Variants in ESR2 observed in about 807,000 individuals in gnomAD.
ESR2 encodes the protein estrogen receptor beta.
Under a neutral mutation model 49.6 loss-of-function variants are expected in ESR2, and 36 were observed. The observed-to-expected ratio is 0.73, with a 90% CI of 0.56 to 0.96. The LOEUF (loss-of-function observed/expected upper bound fraction) is 0.96, where lower values mean the gene tolerates loss of function less well. Ranked by LOEUF, ESR2 falls within the 40% of genes least tolerant of loss-of-function variation. The probability of loss-of-function intolerance (pLI) is 0.00; values close to 1 mark genes in which losing one functional copy is unlikely to be tolerated. For synonymous variants in ESR2, 320 were observed against 266.1 expected (o/e 1.20, Z -1.97); for missense variants, 714 against 693.0 (o/e 1.03, Z -0.34).
intron 1 of ESR2, among the ~76,000 whole-genome samples, chr14:64,292,578 T>A (rs1379243896): frequency 6.6e-6 from 1 of 152,238 alleles, no homozygotes; most frequent in African/African-American, 2.4e-5. Flanking sequence ...TTTCTAGATG[T>A]ATTATCAAAA....
At chr14:64,276,228 T>C (rs1025778373) in intron 3 of ESR2, among the ~76,000 whole-genome samples, 2 of 152,154 alleles carry the variant, frequency 1.3e-5, no homozygotes, top group African/African-American at 2.4e-5. Flanking sequence ...ATATTTGTCA[T>C]ACATGTAATA....
chr14:64,293,161 A>G lies in ESR2; in HGVS notation c.-91+872T>C, dbSNP rs373462152. ...CAAAGATGTTAATCATGTTCTTTTC[A>G]TAGTCACGTTACATTTGTTTTACAA... On this transcript the variant is annotated intron_variant, in intron 1 of 8. Coordinates refer to ENST00000341099, the MANE Select transcript of ESR2 (RefSeq NM_001437.3). Among the ~76,000 whole-genome samples the G allele has an allele frequency of 2.1e-4, 32 of 152,332 alleles. No homozygotes were observed. The South Asian group carries it at 6.2e-3, about 30-fold the overall frequency.
At position 64,230,969 on chromosome 14, in the gene ESR2, T is replaced by TTGATCTCCCCAGGCTCAGG. The variant is rs1356706691; in HGVS notation, c.*2149_*2167dup. 4 of 147,146 alleles carry TTGATCTCCCCAGGCTCAGG rather than the reference T, an allele frequency of 2.7e-5. No homozygotes were observed. The highest frequency in any genetic ancestry group is 1.0e-4 in the African/African-American group (4 of 39,036). The allele number at this position is 147,146 out of a possible 1,614,324, so 9.1% of individuals were successfully genotyped here. On this transcript the variant is annotated 3_prime_UTR_variant, in exon 9 of 9. Transcript: ENST00000341099. ...GGCTGGAGTGCAATGGACTGCAGCC[T>TTGATCTCCCCAGGCTCAGG]TGATCTCCCCAGGCTCAGGTGATCC...
intron 3 of ESR2, among the ~76,000 whole-genome samples, chr14:64,278,807 C>A (rs935249136): frequency 2.0e-5 from 3 of 152,114 alleles, no homozygotes; most frequent in African/African-American, 7.2e-5. Flanking sequence ...AAATAAAATT[C>A]TAAGGCCCCT....
chr14:64,335,976 TGTGTGTGTG>T (rs1567810420), intron 1 of ESR2: 6 of 7,434 alleles, frequency 8.1e-4, no homozygotes, highest in African/African-American at 2.4e-3. Context: ...AGCTAATTTG[TGTGTGTGTG>T]TGTGTGTGTG....
At chr14:64,313,539 A>AG (rs1254740394) in intron 1 of ESR2, among the ~76,000 whole-genome samples, 1 of 150,928 alleles carries the variant, frequency 6.6e-6, no homozygotes, top group African/African-American at 2.4e-5. Flanking sequence ...TCAAAAAAAA[A>AG]AAAAAAGAAA....
At chr14:64,309,527 C>T (rs1247691754) in intron 1 of ESR2, among the ~76,000 whole-genome samples, 1 of 149,054 alleles carries the variant, frequency 6.7e-6, no homozygotes, top group Non-Finnish European at 1.5e-5. Flanking sequence ...AGGAGAATTG[C>T]TCGAACCTGG....
At chr14:64,282,063 C>T (rs1268683710) in intron 2 of ESR2, among the ~76,000 whole-genome samples, 5 of 152,050 alleles carry the variant, frequency 3.3e-5, no homozygotes, top group Non-Finnish European at 5.9e-5. Flanking sequence ...AAGTTCAGAC[C>T]AGGCACAGTG....
At chr14:64,280,356 CTAA>C (rs2076640903) in intron 2 of ESR2, among the ~76,000 whole-genome samples, 4 of 152,148 alleles carry the variant, frequency 2.6e-5, no homozygotes, top group Admixed American at 1.3e-4. Context: ...TGGGGAATGA[CTAA>C]TGTTTGAAAG....
intron 7 of ESR2, among the ~76,000 whole-genome samples, chr14:64,246,321 C>G (rs2075854265): frequency 6.6e-6 from 1 of 152,092 alleles, no homozygotes; most frequent in South Asian, 2.1e-4. Context: ...AGTGAGTGAG[C>G]TCTCCCAAGA....
chr14:64,275,176 C>T (rs913698174), intron 3 of ESR2, among the ~76,000 whole-genome samples: 3 of 152,112 alleles, frequency 2.0e-5, no homozygotes, highest in East Asian at 1.9e-4. Context: ...ATGATCTGTT[C>T]GATGCTGAAA....
At chr14:64,233,925 C>G (rs2098729843) in intron 8 of ESR2, 2 of 152,818 alleles carry the variant, frequency 1.3e-5, no homozygotes, top group East Asian at 3.8e-4. Context: ...TCACCAAAAG[C>G]ACAAAAATGT....
intron 1 of ESR2, among the ~76,000 whole-genome samples, chr14:64,328,015 TG>T (rs2077410231): frequency 7.0e-6 from 1 of 143,752 alleles, no homozygotes; most frequent in African/African-American, 2.6e-5. Context: ...GAGACCAGCC[TG>T]GCTAACATGG....
At chr14:64,320,277 A>G (rs1380189973) in intron 1 of ESR2, among the ~76,000 whole-genome samples, 1 of 152,162 alleles carries the variant, frequency 6.6e-6, no homozygotes, top group African/African-American at 2.4e-5. Context: ...AGGTAGTAAA[A>G]AGATCAAGCC....
At chr14:64,241,789 T>C in intron 7 of ESR2, among the ~76,000 whole-genome samples, 1 of 152,246 alleles carries the variant, frequency 6.6e-6, no homozygotes, top group East Asian at 1.9e-4. Context: ...ACTTGCTAAA[T>C]TCACATTTTT....
chr14:64,249,534 G>C lies in ESR2; in HGVS notation c.1225+12C>G. 6.2e-7 allele frequency: 1 copy of C among 1,613,014 alleles called. No homozygotes were observed. Among genetic ancestry groups the C allele is most frequent in the East Asian group, 2.2e-5 (1 of 44,824 alleles). ...CCCCGATAAAACATGGCCCAGCTGT[G>C]TGATTACTTACTGGAATTGAGCAGG... On this transcript the variant is annotated intron_variant, in intron 7 of 8. Coordinates refer to ENST00000341099, the MANE Select transcript of ESR2 (RefSeq NM_001437.3).
rs978182750 is a variant in ESR2 at position 64,305,445 on chromosome 14, C to T, written c.-90-22370G>A. 1.5e-4 allele frequency among the ~76,000 whole-genome samples: 23 copies of T among 150,794 alleles called. No homozygotes were observed. In the South Asian group the frequency reaches 2.1e-3, roughly 14 times the overall value. Reference sequence around the variant, plus strand: ...CAGCACTTTGGGAGGCCAAGGCGGGCGGATCACGAGGTCAGGAGATCGAGA... The same window carrying T: ...CAGCACTTTGGGAGGCCAAGGCGGGTGGATCACGAGGTCAGGAGATCGAGA... On this transcript the variant is annotated intron_variant, in intron 1 of 8. Coordinates refer to the ESR2 transcript ENST00000358599.
chr14:64,249,518 A>C, intron 7 of ESR2, 28 bp downstream of exon 7: 1 of 1,608,036 alleles, frequency 6.2e-7, no homozygotes, highest in Admixed American at 1.7e-5. Flanking sequence ...TCCCCGATAA[A>C]ACATGGCCCA....
chr14:64,246,072 G>A (rs987039513), intron 7 of ESR2, among the ~76,000 whole-genome samples: 1 of 152,198 alleles, frequency 6.6e-6, no homozygotes, highest in Non-Finnish European at 1.5e-5. Context: ...GCCGGATGTG[G>A]TGGCTCACAC....
Sources: allele counts gnomAD v4.1 joint callset (sites outside exome capture counted in the v4.1 genomes callset), GRCh38; gene constraint gnomAD v4.1.1; transcripts MANE v1.5; gene names NCBI Gene and HGNC (gene_info 2026-07-23, HGNC 2026-07-21).